The following KDM4C variants were observed in gnomAD, a reference collection of about 807,000 sequenced individuals.
KDM4C encodes lysine demethylase 4C, also known as lysine-specific demethylase 4C.
In KDM4C, 81 loss-of-function variants were observed where a neutral mutation model predicts 129.3. That is an observed-to-expected ratio of 0.63 (90% CI 0.52 to 0.75). The LOEUF is 0.75. Among genes scored for constraint, KDM4C ranks in the 30% least tolerant of loss-of-function variants. The pLI is 0.00. For missense variants in KDM4C, 1,457 were observed against 1,304.0 expected (o/e 1.12, Z -1.81); for synonymous variants, 573 against 456.1 (o/e 1.26, Z -3.26).
At chr9:6,910,090 T>G (rs1214222708) in intron 8 of KDM4C, among the ~76,000 whole-genome samples, 1 of 152,168 alleles carries the variant, frequency 6.6e-6, no homozygotes, top group African/African-American at 2.4e-5. Context: ...AAAATGTACT[T>G]GAATATTTTA....
chr9:7,056,922 A>G (rs1830948329), intron 17 of KDM4C, among the ~76,000 whole-genome samples: 1 of 152,200 alleles, frequency 6.6e-6, no homozygotes, highest in East Asian at 1.9e-4. Flanking sequence ...GTCAATACCA[A>G]CAAACACATG....
chr9:6,913,066 A>T (rs982180620), intron 8 of KDM4C, among the ~76,000 whole-genome samples: 1 of 152,222 alleles, frequency 6.6e-6, no homozygotes, highest in African/African-American at 2.4e-5. Flanking sequence ...AATCAGTGGA[A>T]GTGAAAACTA....
intron 8 of KDM4C, among the ~76,000 whole-genome samples, chr9:6,977,165 A>G (rs915400275): frequency 6.6e-6 from 1 of 152,090 alleles, no homozygotes; most frequent in African/African-American, 2.4e-5. Flanking sequence ...ACATATTTAA[A>G]TCTTCAAAAT....
chr9:6,836,033 C>A (rs375347014), intron 4 of KDM4C, among the ~76,000 whole-genome samples: 1 of 152,122 alleles, frequency 6.6e-6, no homozygotes, highest in South Asian at 2.1e-4. Flanking sequence ...GATCAGCCTT[C>A]GTGGCCCCCC....
chr9:7,134,546 A>T (rs1840988987), intron 19 of KDM4C, among the ~76,000 whole-genome samples: 1 of 152,242 alleles, frequency 6.6e-6, no homozygotes, highest in Non-Finnish European at 1.5e-5. Context: ...TAGGCATTTA[A>T]TGCCCATAAC....
At chr9:6,980,774 G>A in intron 8 of KDM4C, 151 bp from the exon 9 acceptor site, 1 of 623,908 alleles carries the variant, frequency 1.6e-6, no homozygotes, top group Non-Finnish European at 2.7e-6. Flanking sequence ...AAGAAATTGG[G>A]TTTATCACCC....
intron 13 of KDM4C, 52 bp from the exon 14 acceptor site, chr9:7,013,736 G>T: frequency 1.3e-6 from 2 of 1,548,952 alleles, no homozygotes; most frequent in South Asian, 1.1e-5. Flanking sequence ...TGACTAGAAT[G>T]ATGAGCTCTT....
intron 6 of KDM4C, among the ~76,000 whole-genome samples, chr9:6,885,845 C>G (rs1358734877): frequency 1.3e-5 from 2 of 152,200 alleles, no homozygotes; most frequent in Non-Finnish European, 1.5e-5. Flanking sequence ...AATTCTGAAC[C>G]AATGTGAAAT....
intron 8 of KDM4C, among the ~76,000 whole-genome samples, chr9:6,948,951 AC>A (rs1390720383): frequency 4.0e-5 from 6 of 150,476 alleles, no homozygotes; most frequent in African/African-American, 1.5e-4. Context: ...TCTCTATTCG[AC>A]GAAACCGCCA....
At chr9:7,088,495 G>A (rs751673217) in intron 17 of KDM4C, among the ~76,000 whole-genome samples, 1 of 152,156 alleles carries the variant, frequency 6.6e-6, no homozygotes, top group African/African-American at 2.4e-5. Context: ...TAAAATTTGA[G>A]TCTGTTAAAA....
At chr9:6,871,899 G>C (rs1375418303) in intron 5 of KDM4C, among the ~76,000 whole-genome samples, 1 of 152,102 alleles carries the variant, frequency 6.6e-6, no homozygotes, top group Non-Finnish European at 1.5e-5. Context: ...TCTTGCTTTG[G>C]GAAGTAGTAT....
intron 15 of KDM4C, among the ~76,000 whole-genome samples, chr9:7,040,045 G>A (rs1828294189): frequency 6.6e-6 from 1 of 151,988 alleles, no homozygotes; most frequent in Non-Finnish European, 1.5e-5. Context: ...GAAATTTTTA[G>A]AGGCCTTTGT....
intron 19 of KDM4C, among the ~76,000 whole-genome samples, chr9:7,146,791 GC>G (rs1305627958): frequency 2.4e-4 from 36 of 152,158 alleles, no homozygotes; most frequent in African/African-American, 8.4e-4. Context: ...GTTGACGCTT[GC>G]CTGCCTACCC....
At chr9:6,898,280 AG>A (rs1432653860) in intron 8 of KDM4C, among the ~76,000 whole-genome samples, 4 of 152,140 alleles carry the variant, frequency 2.6e-5, no homozygotes, top group Non-Finnish European at 4.4e-5. Flanking sequence ...AGGGAAGAAA[AG>A]TTATTTACTG....
intron 3 of KDM4C, among the ~76,000 whole-genome samples, chr9:6,806,364 C>T (rs967660277): frequency 2.0e-5 from 3 of 152,032 alleles, no homozygotes; most frequent in East Asian, 1.9e-4. Flanking sequence ...CGTGGTGGCA[C>T]GTGCCTGTAA....
chr9:6,924,625 C>T (rs542691272), intron 8 of KDM4C: 44 of 389,830 alleles, frequency 1.1e-4, no homozygotes, highest in Non-Finnish European at 1.5e-4. Context: ...CCAATTCAGT[C>T]CCTTAATTAG....
intron 1 of KDM4C, among the ~76,000 whole-genome samples, chr9:6,742,163 A>G (rs182684021): frequency 1.7e-3 from 260 of 148,856 alleles, no homozygotes; most frequent in African/African-American, 6.1e-3. Context: ...AGTAGAGATG[A>G]GGTTTCACCA....
chr9:6,814,738 A>T lies in KDM4C; in HGVS notation c.428A>T (p.Tyr143Phe). 1 of 1,567,932 alleles carries T rather than the reference A, an allele frequency of 6.4e-7. No homozygotes were observed. ...GGTGCAGATATTAATGGGAGCATAT[A>T]TGATGAGGTACATTCATATTTACAG... ...IYGADINGSI[Y>F]DEGVDEWNIA... Residue 143 changes from tyrosine to phenylalanine, a missense_variant, in exon 4 of 22, where the codon TAT becomes TTT. Transcript: ENST00000381309.
chr9:7,150,406 G>C (rs1220244781), intron 19 of KDM4C, among the ~76,000 whole-genome samples: 9 of 152,326 alleles, frequency 5.9e-5, no homozygotes, highest in East Asian at 3.9e-4. Context: ...CAGACACAGA[G>C]TTCCCACCTC....
Sources: allele counts gnomAD v4.1 joint callset (sites outside exome capture counted in the v4.1 genomes callset), GRCh38; gene constraint gnomAD v4.1.1; transcripts MANE v1.5; gene names NCBI Gene and HGNC (gene_info 2026-07-23, HGNC 2026-07-21).